GPC5: variants seen among roughly 807,000 people sequenced by gnomAD.
GPC5 encodes glypican 5.
GPC5 carries 47 observed loss-of-function variants against 53.9 expected under a neutral mutation model. The ratio of observed to expected loss-of-function variants is 0.87; its 90% CI spans 0.69 to 1.11. GPC5 has a LOEUF of 1.11. Among genes scored for constraint, GPC5 ranks in the 50% most tolerant of loss-of-function variants. The pLI, the probability that GPC5 is intolerant of heterozygous loss-of-function variation, is 0.00. For synonymous variants in GPC5, 286 were observed against 263.3 expected (o/e 1.09, Z -0.84); for missense variants, 748 against 713.1 (o/e 1.05, Z -0.56).
chr13:92,391,027 G>T (rs1228863956), intron 7 of GPC5, among the ~76,000 whole-genome samples: 1 of 151,998 alleles, frequency 6.6e-6, no homozygotes, highest in Non-Finnish European at 1.5e-5. Flanking sequence ...AGAAATTAAT[G>T]TTCATTTATT....
intron 2 of GPC5, among the ~76,000 whole-genome samples, chr13:91,512,460 C>T (rs867025398): frequency 2.6e-5 from 4 of 152,184 alleles, no homozygotes; most frequent in African/African-American, 9.7e-5. Context: ...CTGTGCATTT[C>T]GTGAAGCCCT....
chr13:91,819,998 G>A (rs1395753564), intron 5 of GPC5, among the ~76,000 whole-genome samples: 1 of 151,892 alleles, frequency 6.6e-6, no homozygotes, highest in Non-Finnish European at 1.5e-5. Flanking sequence ...CGGACTATTT[G>A]CCTTCCCTCT....
chr13:92,042,757 T>C (rs1417844129), intron 6 of GPC5, among the ~76,000 whole-genome samples: 1 of 152,196 alleles, frequency 6.6e-6, no homozygotes, highest in Non-Finnish European at 1.5e-5. Flanking sequence ...CTGCCATTGA[T>C]GGGTCCCATT....
intron 7 of GPC5, among the ~76,000 whole-genome samples, chr13:92,522,533 C>T (rs1881101350): frequency 6.6e-6 from 1 of 152,076 alleles, no homozygotes; most frequent in African/African-American, 2.4e-5. Context: ...AAAACAAACA[C>T]TGCAGGTTCT....
At chr13:91,809,823 T>C (rs1487194952) in intron 5 of GPC5, among the ~76,000 whole-genome samples, 1 of 152,036 alleles carries the variant, frequency 6.6e-6, no homozygotes, top group Non-Finnish European at 1.5e-5. Context: ...ATATGTGACA[T>C]ATAAGGTAAA....
At chr13:92,281,134 G>A (rs9516036) in intron 7 of GPC5, among the ~76,000 whole-genome samples, 13,010 of 152,210 alleles carry the variant, frequency 0.085, 614 homozygotes, top group Middle Eastern at 0.12. Context: ...CCACGCCCAC[G>A]GAGCCTCGCT....
chr13:92,762,552 G>A (rs375298848), intron 7 of GPC5, among the ~76,000 whole-genome samples: 1 of 152,054 alleles, frequency 6.6e-6, no homozygotes, highest in Non-Finnish European at 1.5e-5. Context: ...TGTATGTCAG[G>A]ACCTCTTCAA....
intron 6 of GPC5, among the ~76,000 whole-genome samples, chr13:92,036,305 C>T (rs1311320529): frequency 6.6e-6 from 1 of 152,170 alleles, no homozygotes. Context: ...TGAAGCAAAG[C>T]TGGGCAAAGA....
At chr13:91,758,426 A>G (rs1256795909) in intron 5 of GPC5, among the ~76,000 whole-genome samples, 1 of 152,072 alleles carries the variant, frequency 6.6e-6, no homozygotes, top group African/African-American at 2.4e-5. Context: ...ATGTTGAATT[A>G]TATTATCTGA....
At chr13:92,502,273 G>A (rs1370060276) in intron 7 of GPC5, among the ~76,000 whole-genome samples, 1 of 151,564 alleles carries the variant, frequency 6.6e-6, no homozygotes, top group Admixed American at 6.6e-5. Context: ...AAAGATGTTG[G>A]AATAACCCAA....
At chr13:92,477,039 T>C (rs1178186008) in intron 7 of GPC5, among the ~76,000 whole-genome samples, 2 of 131,932 alleles carry the variant, frequency 1.5e-5, no homozygotes, top group South Asian at 4.7e-4. Context: ...AAACTTAAAG[T>C]ATAATAATAA....
rs746384045 is a variant in GPC5 at position 91,399,063 on chromosome 13, G to A, written c.17G>A (p.Trp6Ter). 1 of 1,563,674 alleles carries A rather than the reference G, an allele frequency of 6.4e-7. No individual in the cohort carries two copies. Among genetic ancestry groups the A allele is most frequent in the East Asian group, 2.4e-5 (1 of 41,662 alleles). The change falls in exon 1 of 8, where the codon TGG becomes TAG. Residue 6 changes from tryptophan (W) to a stop codon, truncating the protein, a stop_gained. Transcript: ENST00000377067. LOFTEE classifies it high-confidence loss of function. ...ACGGCGAGGATGGACGCACAGACCT[G>A]GCCCGTGGGCTTTCGCTGCCTCCTC... is the stretch of plus-strand genomic sequence containing the variant. The part of the protein sequence containing the change: MDAQT[W>*]PVGFRCLLLL...
intron 7 of GPC5, among the ~76,000 whole-genome samples, chr13:92,640,263 T>C (rs61455195): frequency 0.018 from 2,663 of 152,104 alleles, 78 homozygotes; most frequent in African/African-American, 0.061. Flanking sequence ...GATGTTGTTT[T>C]GTTTTGTTTT....
chr13:92,378,830 G>A (rs1056405946), intron 7 of GPC5, among the ~76,000 whole-genome samples: 2 of 152,046 alleles, frequency 1.3e-5, no homozygotes, highest in African/African-American at 4.8e-5. Context: ...TATAGTACAT[G>A]AGAAAAAAAT....
intron 2 of GPC5, among the ~76,000 whole-genome samples, chr13:91,644,720 A>G (rs1439402297): frequency 2.0e-5 from 3 of 152,108 alleles, no homozygotes; most frequent in Non-Finnish European, 4.4e-5. Flanking sequence ...CTTCCTAGCT[A>G]TTATTAAAAA....
intron 7 of GPC5, among the ~76,000 whole-genome samples, chr13:92,584,823 A>G (rs1883485931): frequency 6.6e-6 from 1 of 152,108 alleles, no homozygotes; most frequent in Admixed American, 6.5e-5. Context: ...CACTCCAGCC[A>G]TGACTAAAAG....
intron 7 of GPC5, among the ~76,000 whole-genome samples, chr13:92,684,324 G>A (rs561522677): frequency 3.4e-4 from 52 of 151,780 alleles, no homozygotes; most frequent in African/African-American, 9.4e-4. Context: ...AGGGTGGAGC[G>A]CAGTGGCACG....
intron 7 of GPC5, among the ~76,000 whole-genome samples, chr13:92,694,415 G>A (rs1480783400): frequency 6.6e-6 from 1 of 152,176 alleles, no homozygotes; most frequent in East Asian, 1.9e-4. Context: ...ACTCTGCAGA[G>A]CCACAGGGGA....
At chr13:91,488,434 C>T (rs551508984) in intron 2 of GPC5, among the ~76,000 whole-genome samples, 6 of 152,194 alleles carry the variant, frequency 3.9e-5, no homozygotes, top group African/African-American at 1.2e-4. Context: ...TCAGGGACCC[C>T]GAACGGAGGG....
Sources: allele counts gnomAD v4.1 joint callset (sites outside exome capture counted in the v4.1 genomes callset), GRCh38; gene constraint gnomAD v4.1.1; transcripts MANE v1.5; gene names NCBI Gene and HGNC (gene_info 2026-07-23, HGNC 2026-07-21).